The following SUPT3H variants were observed in gnomAD, a reference collection of about 807,000 sequenced individuals.
The protein encoded by SUPT3H is SPT3 homolog, SAGA and STAGA complex component, also known as transcription initiation protein SPT3 homolog.
SUPT3H carries 44 observed loss-of-function variants against 44.3 expected under a neutral mutation model. That is an observed-to-expected ratio of 0.99 (90% CI 0.78 to 1.28). The LOEUF (loss-of-function observed/expected upper bound fraction) is 1.28. Ranked by LOEUF, SUPT3H falls within the 50% of genes most tolerant of loss-of-function variation. The pLI is 0.00. For synonymous variants in SUPT3H, 124 were observed against 125.6 expected (o/e 0.99, Z 0.09); for missense variants, 380 against 387.1 (o/e 0.98, Z 0.15).
chr6:44,940,286 A>C (rs1772187554), intron 9 of SUPT3H, among the ~76,000 whole-genome samples: 1 of 152,056 alleles, frequency 6.6e-6, no homozygotes, highest in East Asian at 1.9e-4. Flanking sequence ...AATGTGTCTT[A>C]ATTTCTTCAT....
chr6:44,995,490 T>A (rs765862352), intron 6 of SUPT3H, among the ~76,000 whole-genome samples: 1 of 152,108 alleles, frequency 6.6e-6, no homozygotes, highest in Non-Finnish European at 1.5e-5. Flanking sequence ...TACTTTCTTA[T>A]GTCTAAAATT....
chr6:44,890,536 A>C (rs1264816206), intron 10 of SUPT3H, among the ~76,000 whole-genome samples: 2 of 144,388 alleles, frequency 1.4e-5, no homozygotes, highest in African/African-American at 5.1e-5. Context: ...GCATATTCTC[A>C]CTCATAGGTG....
intron 10 of SUPT3H, among the ~76,000 whole-genome samples, chr6:44,870,359 G>A (rs1224400480): frequency 6.6e-6 from 1 of 152,172 alleles, no homozygotes; most frequent in Non-Finnish European, 1.5e-5. Context: ...CACTTCGTGA[G>A]TCTGAGGCAG....
intron 2 of SUPT3H, among the ~76,000 whole-genome samples, chr6:45,285,330 A>T (rs1449897086): frequency 6.6e-6 from 1 of 152,190 alleles, no homozygotes; most frequent in Non-Finnish European, 1.5e-5. Flanking sequence ...ACATGATTGT[A>T]TATCTAGAAA....
chr6:44,983,962 T>C (rs1779434992), intron 6 of SUPT3H, among the ~76,000 whole-genome samples: 1 of 152,204 alleles, frequency 6.6e-6, no homozygotes, highest in Non-Finnish European at 1.5e-5. Context: ...ACAAAAGTCA[T>C]TTTTGAAATA....
At chr6:44,895,251 CTTGTT>C (rs1407163826) in intron 10 of SUPT3H, among the ~76,000 whole-genome samples, 17 of 99,222 alleles carry the variant, frequency 1.7e-4, no homozygotes, top group Non-Finnish European at 3.0e-4. Context: ...ATCACTTAGT[CTTGTT>C]TTTTTTTTTT....
rs4714851 is a variant in SUPT3H at position 45,313,910 on chromosome 6, C to A, written c.101+51291G>T. ...AATCCTTAACAAAATACTAGCTAAC[C>A]AAATCCAGTAACACATCAAAAAGAT... On this transcript the variant is annotated intron_variant, in intron 2 of 10. Coordinates refer to ENST00000371459, the MANE Select transcript of SUPT3H (RefSeq NM_003599.4). Among the ~76,000 whole-genome samples the A allele has an allele frequency of 5.0e-3, 760 of 152,168 alleles. 18 individuals carry two copies. The highest frequency in any genetic ancestry group is 0.037 in the East Asian group (190 of 5,180).
chr6:44,905,486 G>T (rs919808784), intron 10 of SUPT3H, among the ~76,000 whole-genome samples: 2 of 150,702 alleles, frequency 1.3e-5, no homozygotes, highest in African/African-American at 4.9e-5. Flanking sequence ...TCTCACACCA[G>T]TTAGAATGGC....
At chr6:45,220,257 T>C (rs1765812394) in intron 2 of SUPT3H, among the ~76,000 whole-genome samples, 1 of 151,876 alleles carries the variant, frequency 6.6e-6, no homozygotes, top group Admixed American at 6.6e-5. Flanking sequence ...TAAAAATAAT[T>C]ACATATCCTA....
chr6:45,288,934 A>G (rs1779858748), intron 2 of SUPT3H, among the ~76,000 whole-genome samples: 1 of 151,940 alleles, frequency 6.6e-6, no homozygotes, highest in African/African-American at 2.4e-5. Context: ...ACGAGGTCCT[A>G]TATACACATT....
intron 2 of SUPT3H, among the ~76,000 whole-genome samples, chr6:45,201,084 CATA>C (rs1265490455): frequency 1.3e-5 from 2 of 151,626 alleles, no homozygotes; most frequent in Admixed American, 6.6e-5. Flanking sequence ...TAGTAACTTA[CATA>C]ATAATTAAGT....
chr6:44,948,298 C>A (rs1019045118), intron 9 of SUPT3H, among the ~76,000 whole-genome samples: 1 of 152,140 alleles, frequency 6.6e-6, no homozygotes, highest in African/African-American at 2.4e-5. Context: ...TAGAAGAAAA[C>A]CTAGGCAATA....
At chr6:44,868,799 A>G (rs1342161251) in intron 10 of SUPT3H, among the ~76,000 whole-genome samples, 1 of 152,156 alleles carries the variant, frequency 6.6e-6, no homozygotes, top group Non-Finnish European at 1.5e-5. Context: ...ATTCCTTGTC[A>G]ACTCATCTTG....
Position 45,244,622 on chromosome 6 carries a change from C to T in SUPT3H, c.101+120579G>A, listed in dbSNP as rs538367543. ...CACTAATTTTACCCAATTTTCTTGC[C>T]TATCATCTCTACCTGTTTAACACTG... On this transcript the variant is annotated intron_variant, in intron 2 of 10. Transcript: ENST00000371459. 7.9e-5 allele frequency among the ~76,000 whole-genome samples: 12 copies of T among 152,222 alleles called. No individual in the cohort carries two copies. In the East Asian group the frequency reaches 2.1e-3, roughly 27 times the overall value.
At chr6:45,347,568 C>T (rs1791137906) in intron 2 of SUPT3H, among the ~76,000 whole-genome samples, 1 of 152,036 alleles carries the variant, frequency 6.6e-6, no homozygotes, top group South Asian at 2.1e-4. Flanking sequence ...TGCAGCAAGG[C>T]TTACATTCCA....
intron 2 of SUPT3H, among the ~76,000 whole-genome samples, chr6:45,164,713 C>A (rs187151083): frequency 6.6e-6 from 1 of 152,254 alleles, no homozygotes; most frequent in Non-Finnish European, 1.5e-5. Context: ...CACAAAGCAG[C>A]TTGCTATAAA....
At chr6:44,940,718 ATTTG>A (rs949329991) in intron 9 of SUPT3H, among the ~76,000 whole-genome samples, 7 of 152,084 alleles carry the variant, frequency 4.6e-5, no homozygotes, top group African/African-American at 1.7e-4. Context: ...GTCTAGTAAT[ATTTG>A]TTTCATGAAT....
At chr6:45,054,114 T>C (rs924378256) in intron 3 of SUPT3H, among the ~76,000 whole-genome samples, 4 of 152,090 alleles carry the variant, frequency 2.6e-5, no homozygotes, top group Non-Finnish European at 5.9e-5. Flanking sequence ...TAAATTTGCA[T>C]GCCTTTCTAT....
At chr6:45,075,362 C>T (rs1425288746) in intron 3 of SUPT3H, among the ~76,000 whole-genome samples, 5 of 152,040 alleles carry the variant, frequency 3.3e-5, no homozygotes, top group Non-Finnish European at 5.9e-5. Flanking sequence ...CCAGAAATGT[C>T]CTTGGCTTCT....
Sources: gnomAD v4.1 joint callset for allele counts (sites outside exome capture counted in the v4.1 genomes callset) on GRCh38, gnomAD v4.1.1 for gene constraint, MANE v1.5 for transcripts, NCBI Gene and HGNC (gene_info 2026-07-23, HGNC 2026-07-21) for gene names.